Variants in TXNRD1 observed in about 807,000 individuals in gnomAD.
The protein encoded by TXNRD1 is thioredoxin reductase 1.
Under a neutral mutation model 80.3 loss-of-function variants are expected in TXNRD1, and 57 were observed. The observed-to-expected ratio is 0.71, with a 90% CI of 0.57 to 0.89. The LOEUF (loss-of-function observed/expected upper bound fraction) is 0.89, where lower values mean the gene tolerates loss of function less well. TXNRD1 is among the 40% of genes least tolerant of loss of function. TXNRD1 has a pLI of 0.00. For synonymous variants in TXNRD1, 291 were observed against 285.2 expected (o/e 1.02, Z -0.20); for missense variants, 730 against 803.0 (o/e 0.91, Z 1.10).
intron 4 of TXNRD1, among the ~76,000 whole-genome samples, chr12:104,301,525 G>GA (rs2034626052): frequency 6.6e-6 from 1 of 152,118 alleles, no homozygotes; most frequent in African/African-American, 2.4e-5. Context: ...TTTTAGTAGA[G>GA]ACGGGGTTTC....
intron 14 of TXNRD1, among the ~76,000 whole-genome samples, chr12:104,332,668 G>A (rs1336683608): frequency 6.9e-6 from 1 of 144,668 alleles, no homozygotes; most frequent in Non-Finnish European, 1.5e-5. Context: ...AGAATCGCTT[G>A]AACCCGGGAG....
intron 1 of TXNRD1, among the ~76,000 whole-genome samples, chr12:104,239,412 C>G (rs189927740): frequency 1.9e-4 from 29 of 152,224 alleles, no homozygotes; most frequent in Non-Finnish European, 2.8e-4. Flanking sequence ...TCAGGCTGGT[C>G]TCAAACTCCT....
intron 1 of TXNRD1, among the ~76,000 whole-genome samples, chr12:104,233,260 T>C (rs1478341872): frequency 2.0e-5 from 3 of 152,228 alleles, no homozygotes; most frequent in Admixed American, 6.5e-5. Flanking sequence ...AGTTAGTTTT[T>C]AAAAGAAACT....
At chr12:104,227,748 G>C (rs1269541829) in intron 1 of TXNRD1, among the ~76,000 whole-genome samples, 1 of 152,090 alleles carries the variant, frequency 6.6e-6, no homozygotes, top group Non-Finnish European at 1.5e-5. Flanking sequence ...ATATAGTTTT[G>C]TCTTTTCAGG....
chr12:104,297,356 ATATT>A (rs747031876), intron 4 of TXNRD1, among the ~76,000 whole-genome samples: 1 of 150,970 alleles, frequency 6.6e-6, no homozygotes, highest in African/African-American at 2.4e-5. Context: ...AAATAAATTT[ATATT>A]TATTTATTTA....
intron 2 of TXNRD1, among the ~76,000 whole-genome samples, chr12:104,254,714 G>C (rs913236219): frequency 6.7e-6 from 1 of 148,330 alleles, no homozygotes; most frequent in Non-Finnish European, 1.5e-5. Flanking sequence ...AGGAGGCTGA[G>C]GTGAGAGGAT....
In TXNRD1 at chr12:104,215,802, C is replaced by G. The variant is rs758114868; in HGVS notation, c.-1C>G. On this transcript the variant is annotated 5_prime_UTR_variant, in exon 1 of 17. Transcript: ENST00000525566. ...TCAGTTCCCACAGGGCCTTGTGCGA[C>G]ATGGGCTGCGCCGAGGGCAAGGCAG... 13 of 1,557,666 alleles carry G rather than the reference C, an allele frequency of 8.3e-6. No homozygotes were observed. The South Asian group carries it at 9.5e-5, about 11-fold the overall frequency.
intron 16 of TXNRD1, among the ~76,000 whole-genome samples, chr12:104,347,875 T>C (rs751287430): frequency 6.6e-6 from 1 of 152,088 alleles, no homozygotes; most frequent in African/African-American, 2.4e-5. Context: ...CTACATCATC[T>C]TGCCATTTGC....
At chr12:104,278,123 C>T (rs545787923) in intron 3 of TXNRD1, among the ~76,000 whole-genome samples, 4 of 151,686 alleles carry the variant, frequency 2.6e-5, no homozygotes, top group South Asian at 2.1e-4. Flanking sequence ...CTGATCCACC[C>T]GCCTCAGCCT....
rs2032458625 is a variant in TXNRD1, at chr12:104,225,724, T to A, written c.91+9831T>A. ...TGAATCAATTAAACCTCTTTTTTTT[T>A]TTTTTTTTATAAATTACCTAGTCTC... On this transcript the variant is annotated intron_variant, in intron 1 of 16. Coordinates refer to ENST00000525566, the MANE Select transcript of TXNRD1 (RefSeq NM_001093771.3). Among the ~76,000 whole-genome samples the A allele has an allele frequency of 3.3e-5, 5 of 152,106 alleles. No homozygotes were observed. In the South Asian group the frequency reaches 1.0e-3, roughly 32 times the overall value.
At chr12:104,230,848 T>C (rs1187731926) in intron 1 of TXNRD1, among the ~76,000 whole-genome samples, 1 of 152,146 alleles carries the variant, frequency 6.6e-6, no homozygotes, top group Non-Finnish European at 1.5e-5. Flanking sequence ...TTGATCAGCA[T>C]GTCATTCACG....
intron 3 of TXNRD1, among the ~76,000 whole-genome samples, chr12:104,261,706 A>G (rs1342327706): frequency 1.3e-5 from 2 of 152,164 alleles, no homozygotes; most frequent in South Asian, 2.1e-4. Flanking sequence ...TATTAGGACC[A>G]ATGCTAAAAA....
At chr12:104,249,642 A>C (rs548795533) in intron 1 of TXNRD1, among the ~76,000 whole-genome samples, 5 of 152,314 alleles carry the variant, frequency 3.3e-5, no homozygotes, top group Admixed American at 1.3e-4. Context: ...AAGTACGATG[A>C]AAGTGAAAGC....
At chr12:104,325,645 G>A (rs1191419028) in intron 11 of TXNRD1, among the ~76,000 whole-genome samples, 6 of 152,150 alleles carry the variant, frequency 3.9e-5, no homozygotes, top group Admixed American at 2.6e-4. Context: ...AGGCCAAGGC[G>A]GGCAGATCAC....
chr12:104,290,721 ATAT>A (rs2034161233), intron 4 of TXNRD1, among the ~76,000 whole-genome samples: 1 of 6,040 alleles, frequency 1.7e-4, no homozygotes, highest in Non-Finnish European at 3.9e-4. Flanking sequence ...AGAAATATAC[ATAT>A]ATATATATAT....
At chr12:104,283,802 G>A (rs1175923117) in intron 3 of TXNRD1, among the ~76,000 whole-genome samples, 6 of 151,990 alleles carry the variant, frequency 3.9e-5, no homozygotes, top group South Asian at 4.1e-4. Context: ...CCTGAGAGGC[G>A]GAGGCTGCGG....
chr12:104,304,428 C>T, intron 4 of TXNRD1: 1 of 1,613,964 alleles, frequency 6.2e-7, no homozygotes, highest in Non-Finnish European at 8.5e-7. Context: ...ATGGTAAAAG[C>T]TGAGACATTC....
Position 104,318,860 on chromosome 12 carries a change from C to G in TXNRD1, c.731-53C>G, listed in dbSNP as rs960825349. ...ACTTGAGTGGTTATTGAGAAATGAT[C>G]TTTGCCAGCAGTTGAAAAGCCAAAC... On this transcript the variant is annotated intron_variant, in intron 7 of 16. Transcript: ENST00000525566. 19 of 1,578,926 alleles carry G rather than the reference C, an allele frequency of 1.2e-5. No homozygotes were observed. In the South Asian group the frequency reaches 1.4e-4, roughly 12 times the overall value.
chr12:104,249,026 T>C (rs181387275), intron 1 of TXNRD1, among the ~76,000 whole-genome samples: 3 of 152,346 alleles, frequency 2.0e-5, no homozygotes, highest in Admixed American at 6.5e-5. Context: ...AGTTTTTCTT[T>C]AAGAAGAACC....
Sources: gnomAD v4.1 joint callset for allele counts (sites outside exome capture counted in the v4.1 genomes callset) on GRCh38, gnomAD v4.1.1 for gene constraint, MANE v1.5 for transcripts, NCBI Gene and HGNC (gene_info 2026-07-23, HGNC 2026-07-21) for gene names.